PTPRD: variants seen among roughly 807,000 people sequenced by gnomAD.
PTPRD encodes the protein protein tyrosine phosphatase receptor type D.
A neutral mutation model predicts 214.5 loss-of-function variants in PTPRD; 34 were observed. That is an observed-to-expected ratio of 0.16 (90% CI 0.12 to 0.21). The LOEUF (loss-of-function observed/expected upper bound fraction) is 0.21, where lower values mean the gene tolerates loss of function less well. Ranked by LOEUF, PTPRD falls within the 10% of genes least tolerant of loss-of-function variation. The pLI is 1.00. For synonymous variants in PTPRD, 1,128 were observed against 845.7 expected, an observed-to-expected ratio of 1.33 and a Z score of -5.79; for missense variants, 2,545 against 2,398.7, an observed-to-expected ratio of 1.06 and a Z score of -1.27.
intron 8 of PTPRD, among the ~76,000 whole-genome samples, chr9:9,479,536 A>G (rs1427290001): frequency 6.6e-6 from 1 of 152,142 alleles, no homozygotes; most frequent in Admixed American, 6.6e-5. Flanking sequence ...CCAATTTTAC[A>G]AGTACTAAAA....
chr9:9,469,443 T>A (rs1186537976), intron 8 of PTPRD, among the ~76,000 whole-genome samples: 1 of 152,124 alleles, frequency 6.6e-6, no homozygotes, highest in Non-Finnish European at 1.5e-5. Context: ...GTACTTGGGT[T>A]CCAGAAAGCC....
intron 7 of PTPRD, among the ~76,000 whole-genome samples, chr9:9,582,047 G>C (rs1011957993): frequency 6.6e-6 from 1 of 152,032 alleles, no homozygotes; most frequent in Non-Finnish European, 1.5e-5. Flanking sequence ...TCTCTTCCGG[G>C]ATTTTTCTTT....
chr9:8,768,728 CATAAAG>C (rs1179264112), intron 11 of PTPRD, among the ~76,000 whole-genome samples: 5 of 151,926 alleles, frequency 3.3e-5, no homozygotes, highest in African/African-American at 9.7e-5. Context: ...ATAATGATTC[CATAAAG>C]ATATAGTCCA....
intron 18 of PTPRD, chr9:8,524,652 C>T: frequency 1.9e-6 from 1 of 515,140 alleles, no homozygotes. Flanking sequence ...AAGCACAGTT[C>T]AATCAATACA....
At chr9:10,044,911 C>G (rs2097362050) in intron 3 of PTPRD, among the ~76,000 whole-genome samples, 1 of 151,728 alleles carries the variant, frequency 6.6e-6, no homozygotes, top group Non-Finnish European at 1.5e-5. Context: ...CTCCCTTTCA[C>G]TATCAGTTTA....
intron 5 of PTPRD, among the ~76,000 whole-genome samples, chr9:9,912,276 G>C (rs997711675): frequency 1.3e-5 from 2 of 151,962 alleles, no homozygotes; most frequent in Admixed American, 6.6e-5. Context: ...AAAAAACAAA[G>C]GACTGTCATT....
At chr9:9,605,643 A>T (rs78107127) in intron 7 of PTPRD, among the ~76,000 whole-genome samples, 75 of 152,208 alleles carry the variant, frequency 4.9e-4, no homozygotes, top group African/African-American at 1.7e-3. Context: ...TTAGGTCATC[A>T]ATATAGAGGA....
chr9:10,227,285 T>C (rs1240140544), intron 3 of PTPRD, among the ~76,000 whole-genome samples: 1 of 151,966 alleles, frequency 6.6e-6, no homozygotes, highest in Non-Finnish European at 1.5e-5. Flanking sequence ...AAGTCATGAA[T>C]TATAACTTCT....
chr9:10,445,360 C>A (rs1407742096), intron 2 of PTPRD, among the ~76,000 whole-genome samples: 2 of 151,824 alleles, frequency 1.3e-5, no homozygotes, highest in Non-Finnish European at 2.9e-5. Flanking sequence ...TAGGCAGGTA[C>A]AGAGAGAAGC....
intron 3 of PTPRD, among the ~76,000 whole-genome samples, chr9:10,281,529 G>A (rs1306930701): frequency 1.3e-5 from 2 of 152,112 alleles, no homozygotes; most frequent in Non-Finnish European, 2.9e-5. Flanking sequence ...TCAAACTATG[G>A]TTCATTTAAG....
Position 8,694,937 on chromosome 9 carries a change from G to A in PTPRD, c.64+38843C>T, listed in dbSNP as rs375275969. On this transcript the variant is annotated intron_variant, in intron 12 of 45. Coordinates refer to ENST00000381196, the MANE Select transcript of PTPRD (RefSeq NM_002839.4). Reference sequence around the variant, plus strand: ...ACAAACATATCCGTCAAAATATTTTGGGCTATAGATAACAGAACATCCTAC... The same window carrying A: ...ACAAACATATCCGTCAAAATATTTTAGGCTATAGATAACAGAACATCCTAC... Among the ~76,000 whole-genome samples the A allele has an allele frequency of 4.6e-5, 7 of 152,160 alleles. No individual in the cohort carries two copies. The East Asian group carries it at 1.2e-3, about 25-fold the overall frequency.
intron 4 of PTPRD, among the ~76,000 whole-genome samples, chr9:9,998,932 T>C (rs574823462): frequency 2.6e-5 from 4 of 152,330 alleles, no homozygotes; most frequent in African/African-American, 7.2e-5. Flanking sequence ...TAACAGGTTA[T>C]TATCCTCAGT....
intron 7 of PTPRD, among the ~76,000 whole-genome samples, chr9:9,597,641 A>G (rs2093452922): frequency 6.6e-6 from 1 of 152,022 alleles, no homozygotes; most frequent in Non-Finnish European, 1.5e-5. Context: ...TAGAGAAAGA[A>G]GTCAAGAAAT....
chr9:8,817,580 G>C (rs1600753754), intron 11 of PTPRD, among the ~76,000 whole-genome samples: 1 of 152,100 alleles, frequency 6.6e-6, no homozygotes, highest in Admixed American at 6.6e-5. Context: ...GCAGTGAGCT[G>C]TGATCACACC....
intron 2 of PTPRD, among the ~76,000 whole-genome samples, chr9:10,449,484 CTCT>C (rs1566111098): frequency 0.012 from 1,795 of 148,960 alleles, 45 homozygotes; most frequent in African/African-American, 0.041. Context: ...TGAGGAGCCT[CTCT>C]GCCTGGCTGC....
intron 4 of PTPRD, among the ~76,000 whole-genome samples, chr9:9,946,452 T>C (rs948623364): frequency 6.6e-6 from 1 of 152,136 alleles, no homozygotes; most frequent in Admixed American, 6.6e-5. Flanking sequence ...AACTCCCTCT[T>C]CAAAGTAGCT....
intron 9 of PTPRD, among the ~76,000 whole-genome samples, chr9:9,292,228 T>C (rs1171580082): frequency 6.6e-6 from 1 of 151,338 alleles, no homozygotes; most frequent in Non-Finnish European, 1.5e-5. Flanking sequence ...TCTCATTCAC[T>C]TGAAATCCTT....
intron 4 of PTPRD, among the ~76,000 whole-genome samples, chr9:9,952,107 A>G (rs2093510219): frequency 1.3e-5 from 2 of 152,178 alleles, no homozygotes; most frequent in Non-Finnish European, 2.9e-5. Flanking sequence ...ACCAGACAAG[A>G]TCTGAGAACT....
intron 12 of PTPRD, among the ~76,000 whole-genome samples, chr9:8,729,063 C>G (rs2098625018): frequency 6.6e-6 from 1 of 152,176 alleles, no homozygotes; most frequent in Admixed American, 6.5e-5. Flanking sequence ...ACCAAGCTCA[C>G]CCCCTACCTT....
Sources: gnomAD v4.1 joint callset for allele counts (sites outside exome capture counted in the v4.1 genomes callset) on GRCh38, gnomAD v4.1.1 for gene constraint, MANE v1.5 for transcripts, NCBI Gene and HGNC (gene_info 2026-07-23, HGNC 2026-07-21) for gene names.